PGM5: variants seen among roughly 807,000 people sequenced by gnomAD.
PGM5 encodes phosphoglucomutase 5, also known as phosphoglucomutase-like protein 5.
Under a neutral mutation model 59.2 loss-of-function variants are expected in PGM5, and 23 were observed. The ratio of observed to expected loss-of-function variants is 0.39; its 90% CI spans 0.28 to 0.55. The LOEUF (loss-of-function observed/expected upper bound fraction) is 0.55, where lower values mean the gene tolerates loss of function less well. Among genes scored for constraint, PGM5 ranks in the 20% least tolerant of loss-of-function variants. PGM5 has a pLI of 0.66. For synonymous variants in PGM5, 214 were observed against 286.0 expected (o/e 0.75, Z 2.54); for missense variants, 574 against 748.3 (o/e 0.77, Z 2.72).
chr9:68,440,037 G>A (rs1173486580), intron 6 of PGM5, among the ~76,000 whole-genome samples: 4 of 152,128 alleles, frequency 2.6e-5, no homozygotes, highest in Non-Finnish European at 5.9e-5. Flanking sequence ...GGTCCTAAAT[G>A]TATATGCTCC....
At chr9:68,469,274 G>T (rs1554686082) in intron 7 of PGM5, among the ~76,000 whole-genome samples, 1 of 152,102 alleles carries the variant, frequency 6.6e-6, no homozygotes, top group East Asian at 1.9e-4. Context: ...ATACAAATTT[G>T]CCAACTAAAA....
intron 6 of PGM5, among the ~76,000 whole-genome samples, chr9:68,463,018 G>A (rs1302696644): frequency 1.3e-5 from 2 of 152,076 alleles, no homozygotes; most frequent in Non-Finnish European, 2.9e-5. Context: ...CATTGAAAAA[G>A]AGAGAAGACG....
At chr9:68,463,485 G>A (rs1453863108) in intron 6 of PGM5, among the ~76,000 whole-genome samples, 1 of 152,090 alleles carries the variant, frequency 6.6e-6, no homozygotes, top group Non-Finnish European at 1.5e-5. Flanking sequence ...GAAGCACTAA[G>A]ACATTTGAAG....
intron 2 of PGM5, 22 bp downstream of exon 2, chr9:68,378,383 T>C (rs1554678029): frequency 6.4e-7 from 1 of 1,571,968 alleles, no homozygotes; most frequent in East Asian, 2.3e-5. Context: ...AGCATATGCC[T>C]TAATAATTAC....
At chr9:68,490,952 C>A (rs1554687828) in intron 9 of PGM5, among the ~76,000 whole-genome samples, 1 of 152,162 alleles carries the variant, frequency 6.6e-6, no homozygotes, top group African/African-American at 2.4e-5. Flanking sequence ...TTAAAAAAAC[C>A]TTTTTCTTTG....
intron 6 of PGM5, among the ~76,000 whole-genome samples, chr9:68,452,098 A>G (rs1028494487): frequency 6.6e-6 from 1 of 152,080 alleles, no homozygotes; most frequent in Non-Finnish European, 1.5e-5. Context: ...ATTCACCTTT[A>G]TCTCCCTCCA....
intron 10 of PGM5, among the ~76,000 whole-genome samples, chr9:68,519,591 T>C (rs1422473208): frequency 6.6e-6 from 1 of 151,524 alleles, no homozygotes; most frequent in Non-Finnish European, 1.5e-5. Flanking sequence ...ATTTCATCCA[T>C]GTATACATAT....
chr9:68,495,140 C>T (rs1824463023), intron 9 of PGM5, among the ~76,000 whole-genome samples: 1 of 152,132 alleles, frequency 6.6e-6, no homozygotes, highest in South Asian at 2.1e-4. Context: ...CTCAGCAAGT[C>T]CAAAATTTTA....
At chr9:68,448,240 A>G (rs1339666516) in intron 6 of PGM5, among the ~76,000 whole-genome samples, 2 of 152,118 alleles carry the variant, frequency 1.3e-5, no homozygotes, top group South Asian at 2.1e-4. Flanking sequence ...ATGTGACAGT[A>G]TGTGTCCTCC....
chr9:68,479,514 G>T lies in PGM5; in HGVS notation c.1256G>T (p.Arg419Leu). The T allele has an allele frequency of 1.2e-6, 2 of 1,614,080 alleles. No individual in the cohort carries two copies. Among genetic ancestry groups the T allele is most frequent in the Non-Finnish European group, 1.7e-6 (2 of 1,180,000 alleles). Residue 419 changes from arginine (R) to leucine (L), a missense_variant, in exon 8 of 11, where the codon CGA (arginine) becomes CTA (leucine). By Grantham distance (102) the Arg-to-Leu change is moderately radical. Transcript: ENST00000396396. ...AAGCAGAGTGTGGAGGAAATTGTCC[G>T]AGATCACTGGGCCAAATTTGGCCGC... ...ARKQSVEEIV[R>L]DHWAKFGRHY...
At chr9:68,359,666 G>A (rs1261645072) in intron 1 of PGM5, among the ~76,000 whole-genome samples, 1 of 152,190 alleles carries the variant, frequency 6.6e-6, no homozygotes, top group African/African-American at 2.4e-5. Context: ...GGATCCCAAA[G>A]GCTTTGGTCT....
chr9:68,499,577 T>G (rs1824539655), intron 10 of PGM5, among the ~76,000 whole-genome samples: 1 of 152,250 alleles, frequency 6.6e-6, no homozygotes, highest in Non-Finnish European at 1.5e-5. Flanking sequence ...TGTAATCCGT[T>G]TAGACCAGCA....
At chr9:68,376,765 A>ATTTATTTC (rs1821897753) in intron 1 of PGM5, among the ~76,000 whole-genome samples, 3 of 96,720 alleles carry the variant, frequency 3.1e-5, no homozygotes, top group Non-Finnish European at 4.2e-5. Context: ...GAGGTTCTGC[A>ATTTATTTC]TTTCTTTCTT....
chr9:68,359,066 T>C (rs1834525839), intron 1 of PGM5, among the ~76,000 whole-genome samples: 1 of 152,186 alleles, frequency 6.6e-6, no homozygotes, highest in African/African-American at 2.4e-5. Flanking sequence ...GAGAGAAACA[T>C]GGCCTGTCCA....
At chr9:68,452,291 G>T (rs1226960368) in intron 6 of PGM5, among the ~76,000 whole-genome samples, 2 of 152,104 alleles carry the variant, frequency 1.3e-5, no homozygotes, top group Non-Finnish European at 1.5e-5. Flanking sequence ...TGAAGTAAAA[G>T]CTCCCTGCCC....
At chr9:68,419,253 CT>C (rs1175595630) in intron 6 of PGM5, among the ~76,000 whole-genome samples, 8 of 151,850 alleles carry the variant, frequency 5.3e-5, no homozygotes, top group Non-Finnish European at 8.8e-5. Context: ...TATGTTTTAA[CT>C]TTTTTTTTCC....
chr9:68,418,998 G>C (rs991767932), intron 6 of PGM5, among the ~76,000 whole-genome samples: 58 of 152,204 alleles, frequency 3.8e-4, no homozygotes, highest in African/African-American at 1.4e-3. Flanking sequence ...CAAAATGGCT[G>C]GAACTTTTAC....
In PGM5 at chr9:68,516,507, C is replaced by A. The variant is rs1265261938; in HGVS notation, c.1615-13060C>A. ...AGTAGGCTGTGGGGTGGCAGTTAGG[C>A]GAAGTACAGAGAGACTGTGAACTCT... On this transcript the variant is annotated intron_variant, in intron 10 of 10. Transcript: ENST00000396396. Among the ~76,000 whole-genome samples the A allele has an allele frequency of 2.0e-5, 3 of 152,172 alleles. 1 individual carries two copies. The highest frequency in any genetic ancestry group is 7.2e-5 in the African/African-American group (3 of 41,438).
intron 10 of PGM5, among the ~76,000 whole-genome samples, chr9:68,514,011 T>C (rs1482090782): frequency 6.6e-6 from 1 of 152,234 alleles, no homozygotes; most frequent in Admixed American, 6.5e-5. Flanking sequence ...TAACAGCGCT[T>C]TATACTTTTG....
Sources: allele counts gnomAD v4.1 joint callset (sites outside exome capture counted in the v4.1 genomes callset), GRCh38; gene constraint gnomAD v4.1.1; transcripts MANE v1.5; gene names NCBI Gene and HGNC (gene_info 2026-07-23, HGNC 2026-07-21).